Variants in PCDH15 observed in about 807,000 individuals in gnomAD.
The protein encoded by PCDH15 is protocadherin related 15.
Under a neutral mutation model 178.5 loss-of-function variants are expected in PCDH15, and 129 were observed. That is an observed-to-expected ratio of 0.72 (90% CI 0.63 to 0.84). PCDH15 has a LOEUF of 0.84. Ranked by LOEUF, PCDH15 falls within the 40% of genes least tolerant of loss-of-function variation. PCDH15 has a pLI of 0.00. For missense variants in PCDH15, 2,230 were observed against 2,099.9 expected (o/e 1.06, Z -1.21); for synonymous variants, 800 against 732.0 (o/e 1.09, Z -1.50).
chr10:53,855,899 G>GATATATATATATATAT (rs1324732057), intron 28 of PCDH15, among the ~76,000 whole-genome samples: 2 of 77,840 alleles, frequency 2.6e-5, no homozygotes, highest in African/African-American at 1.5e-4. Flanking sequence ...AAAAAAAGGT[G>GATATATATATATATAT]ATATGTATAT....
At chr10:54,982,631 C>T (rs1282360105) in intron 2 of PCDH15, among the ~76,000 whole-genome samples, 2 of 152,000 alleles carry the variant, frequency 1.3e-5, no homozygotes, top group African/African-American at 2.4e-5. Flanking sequence ...ATGATAAATA[C>T]ATTACACAAA....
intron 1 of PCDH15, among the ~76,000 whole-genome samples, chr10:54,697,993 C>T (rs2095259073): frequency 6.6e-6 from 1 of 151,958 alleles, no homozygotes; most frequent in Non-Finnish European, 1.5e-5. Flanking sequence ...AATACTCATC[C>T]TGAGAGTGAG....
At chr10:54,735,760 G>C (rs11592562) in intron 1 of PCDH15, among the ~76,000 whole-genome samples, 2 of 112,448 alleles carry the variant, frequency 1.8e-5, no homozygotes, top group African/African-American at 6.7e-5. Context: ...GTAAACTATC[G>C]CAAGAACAAA....
intron 13 of PCDH15, among the ~76,000 whole-genome samples, chr10:54,176,219 G>A (rs969612406): frequency 3.4e-4 from 52 of 152,214 alleles, no homozygotes; most frequent in Non-Finnish European, 6.0e-4. Context: ...CTGACCACTC[G>A]TGGTTAGATC....
At chr10:54,573,795 C>A (rs2133630127) in intron 2 of PCDH15, among the ~76,000 whole-genome samples, 1 of 152,240 alleles carries the variant, frequency 6.6e-6, no homozygotes, top group Non-Finnish European at 1.5e-5. Flanking sequence ...AAAACAGCGT[C>A]CTGTGAACAC....
intron 2 of PCDH15, among the ~76,000 whole-genome samples, chr10:55,443,909 AT>A (rs567850785): frequency 1.5e-3 from 230 of 152,324 alleles, no homozygotes; most frequent in African/African-American, 5.0e-3. Flanking sequence ...GTCAGGCTGG[AT>A]AAAGAAAATG....
intron 23 of PCDH15, among the ~76,000 whole-genome samples, chr10:53,953,626 C>T (rs997025363): frequency 2.0e-5 from 3 of 151,806 alleles, no homozygotes; most frequent in Admixed American, 6.6e-5. Flanking sequence ...AATTATAAAC[C>T]AGAAAAACAT....
At chr10:54,702,313 C>T (rs1318858445) in intron 1 of PCDH15, among the ~76,000 whole-genome samples, 2 of 151,246 alleles carry the variant, frequency 1.3e-5, no homozygotes, top group African/African-American at 4.8e-5. Context: ...CAGTGTTAAA[C>T]AAAAATAAAC....
chr10:54,687,088 C>T lies in PCDH15; in HGVS notation c.-28-22798G>A, dbSNP rs1281601294. Among the ~76,000 whole-genome samples, 3 of 152,100 alleles carry T rather than the reference C, an allele frequency of 2.0e-5. No homozygotes were observed. The East Asian group carries it at 5.8e-4, about 29-fold the overall frequency. ...AAAGTCAACAAGAGATATCTCCTCA[C>T]ACCTGTCAGTATGGCTATTACAAAA... On this transcript the variant is annotated intron_variant, in intron 1 of 37. Transcript: ENST00000644397.
intron 2 of PCDH15, among the ~76,000 whole-genome samples, chr10:55,382,319 G>C (rs117690865): frequency 0.013 from 1,931 of 152,242 alleles, 18 homozygotes; most frequent in Admixed American, 0.018. Context: ...AATTAAGGCT[G>C]CTAATCAGCT....
intron 3 of PCDH15, among the ~76,000 whole-genome samples, chr10:54,506,958 T>G (rs2081223739): frequency 6.6e-6 from 1 of 151,938 alleles, no homozygotes; most frequent in African/African-American, 2.4e-5. Context: ...ATCAACTGAT[T>G]CAAAAAAATA....
At chr10:53,814,687 C>T (rs1185475211) in intron 35 of PCDH15, among the ~76,000 whole-genome samples, 7 of 152,016 alleles carry the variant, frequency 4.6e-5, no homozygotes, top group South Asian at 4.2e-4. Flanking sequence ...GGAAAGAGCC[C>T]GGGTGCGGTG....
intron 2 of PCDH15, among the ~76,000 whole-genome samples, chr10:55,121,443 G>A (rs1175547831): frequency 6.6e-6 from 1 of 151,808 alleles, no homozygotes; most frequent in African/African-American, 2.4e-5. Context: ...TTTAGACTTT[G>A]AAGTTGATGC....
At chr10:54,422,288 A>G (rs1031797298) in intron 3 of PCDH15, among the ~76,000 whole-genome samples, 2 of 151,918 alleles carry the variant, frequency 1.3e-5, no homozygotes, top group African/African-American at 4.8e-5. Context: ...TGTGGATGTT[A>G]CCTCCTCTAT....
At chr10:54,985,222 T>C (rs1839332846) in intron 2 of PCDH15, among the ~76,000 whole-genome samples, 2 of 152,210 alleles carry the variant, frequency 1.3e-5, no homozygotes, top group Admixed American at 1.3e-4. Flanking sequence ...TTATGGTATC[T>C]ATATACAATT....
chr10:53,903,895 A>T (rs2082495241), intron 25 of PCDH15, among the ~76,000 whole-genome samples: 1 of 152,178 alleles, frequency 6.6e-6, no homozygotes, highest in South Asian at 2.1e-4. Context: ...ATTTCCACAA[A>T]TGGAAAACAA....
intron 16 of PCDH15, among the ~76,000 whole-genome samples, chr10:54,082,349 G>A (rs2135974236): frequency 6.6e-6 from 1 of 152,246 alleles, no homozygotes; most frequent in East Asian, 1.9e-4. Flanking sequence ...GAAAGTCTGG[G>A]TAAATAGTTT....
intron 3 of PCDH15, among the ~76,000 whole-genome samples, chr10:54,509,563 T>C (rs570730797): frequency 2.0e-4 from 31 of 152,312 alleles, no homozygotes; most frequent in African/African-American, 7.0e-4. Flanking sequence ...AAGAGCACTG[T>C]GTCTCTGCCT....
intron 3 of PCDH15, among the ~76,000 whole-genome samples, chr10:54,417,578 CA>C (rs1218697809): frequency 6.6e-6 from 1 of 151,938 alleles, no homozygotes; most frequent in Non-Finnish European, 1.5e-5. Context: ...ACTAGCAAAA[CA>C]GGAAAAAATG....
Sources: gnomAD v4.1 joint callset for allele counts (sites outside exome capture counted in the v4.1 genomes callset) on GRCh38, gnomAD v4.1.1 for gene constraint, MANE v1.5 for transcripts, NCBI Gene and HGNC (gene_info 2026-07-23, HGNC 2026-07-21) for gene names.